The following ATP2A3 variants were observed in gnomAD, a reference collection of about 807,000 sequenced individuals.
The protein encoded by ATP2A3 is ATPase sarcoplasmic/endoplasmic reticulum Ca2+ transporting 3, also known as sarcoplasmic/endoplasmic reticulum calcium ATPase 3.
A neutral mutation model predicts 106.8 loss-of-function variants in ATP2A3; 61 were observed. The observed-to-expected ratio is 0.57, with a 90% CI of 0.46 to 0.71. The LOEUF (loss-of-function observed/expected upper bound fraction) is 0.71. ATP2A3 is among the 30% of genes least tolerant of loss of function. The pLI, the probability that ATP2A3 is intolerant of heterozygous loss-of-function variation, is 0.00. For synonymous variants in ATP2A3, 611 were observed against 609.3 expected (o/e 1.00, Z -0.04); for missense variants, 1,201 against 1,423.5 (o/e 0.84, Z 2.52).
chr17:3,942,728 T>C lies in ATP2A3; in HGVS notation c.1423A>G (p.Ile475Val), dbSNP rs753084149. 1.2e-6 allele frequency: 2 copies of C among 1,612,982 alleles called. No homozygotes were observed. Among genetic ancestry groups the C allele is most frequent in the Non-Finnish European group, 1.7e-6 (2 of 1,179,836 alleles). Residue 475 changes from isoleucine to valine, a missense_variant, in exon 12 of 21, where the codon ATC becomes GTC. By Grantham distance (29) the Ile-to-Val change is conservative (BLOSUM62 3). This residue lies in a region of ATP2A3 where 935 missense variants were observed against 1,176.7 expected (regional missense o/e 0.79). Transcript: ENST00000397041. Reference sequence around the variant, plus strand: ...AACTCCTTCCGCATCAGCTGCTTGATGACCTGCGGGGTCCAGGCAGGTCAG... The same window carrying C: ...AACTCCTTCCGCATCAGCTGCTTGACGACCTGCGGGGTCCAGGCAGGTCAG... ...VERAGACNTVIKQLMRKEFTL... is the reference protein window; with the variant it reads ...VERAGACNTVVKQLMRKEFTL...
In ATP2A3 at chr17:3,953,208, G is replaced by T; in HGVS notation, c.219+139C>A. Reference sequence around the variant, plus strand: ...CAAGGGAAGCTGAAGTCTGAGCAGGGCAGGGCCAGGGAAGGCCAGGGCGCA... The same window carrying T: ...CAAGGGAAGCTGAAGTCTGAGCAGGTCAGGGCCAGGGAAGGCCAGGGCGCA... On this transcript the variant is annotated intron_variant, in intron 3 of 20. Transcript: ENST00000397041. The surrounding 1 kb of genome is among the most constrained non-coding windows in gnomAD (Gnocchi z 5.1). 1 of 968,746 alleles carries T rather than the reference G, an allele frequency of 1.0e-6. No individual in the cohort carries two copies. The highest frequency in any genetic ancestry group is 1.7e-6 in the Non-Finnish European group (1 of 602,450). The allele number at this position is 968,746 out of a possible 1,614,324, so 60.0% of individuals were successfully genotyped here.
intron 3 of ATP2A3, among the ~76,000 whole-genome samples, 193 bp from the exon 4 acceptor site, chr17:3,951,878 C>T (rs984596716): frequency 6.6e-6 from 1 of 152,216 alleles, no homozygotes; most frequent in African/African-American, 2.4e-5. Flanking sequence ...GTGACCACCC[C>T]ACCCAGGCCA....
At chr17:3,949,680 A>G (rs377202774) in intron 7 of ATP2A3, among the ~76,000 whole-genome samples, 15 of 152,304 alleles carry the variant, frequency 9.8e-5, no homozygotes, top group African/African-American at 3.4e-4. Flanking sequence ...AATATAGATA[A>G]CAAGCATAAC....
intron 1 of ATP2A3, among the ~76,000 whole-genome samples, chr17:3,957,223 A>T (rs945631095): frequency 1.1e-4 from 17 of 152,198 alleles, no homozygotes; most frequent in African/African-American, 3.9e-4. Flanking sequence ...TGCCATTGTT[A>T]TGCCCATTTT....
rs1597549284 is a variant in ATP2A3, at chr17:3,925,104, T to G, written c.*318A>C. The stretch of plus-strand genomic sequence containing the variant: ...TTTGGGGGTGGGGGGGCCCCGGATC[T>G]CTGGGTATGCTGCCAGCTCCGGCTT... On this transcript the variant is annotated 3_prime_UTR_variant, in exon 21 of 21. Transcript: ENST00000397041. The surrounding 1 kb of genome is among the most constrained non-coding windows in gnomAD (Gnocchi z 4.2). 1 of 552,334 alleles carries G rather than the reference T, an allele frequency of 1.8e-6. No homozygotes were observed. Among genetic ancestry groups the G allele is most frequent in the East Asian group, 3.1e-5 (1 of 32,282 alleles). The allele number at this position is 552,334 out of a possible 1,614,324, so 34.2% of individuals were successfully genotyped here.
intron 14 of ATP2A3, among the ~76,000 whole-genome samples, chr17:3,939,468 T>G (rs193061705): frequency 4.6e-4 from 70 of 152,044 alleles, no homozygotes; most frequent in Non-Finnish European, 7.2e-4. Context: ...ACTGAAATAT[T>G]CACACAGTGG....
At position 3,951,628 on chromosome 17, in the gene ATP2A3, C is replaced by T. The variant is rs1567715607; in HGVS notation, c.277G>A (p.Val93Ile). The stretch of plus-strand genomic sequence containing the variant: ...TTGGCCACGAGGATCAGCATGATGA[C>T]CAGGGGCTCCACGAAGGCGGTCGTG... ...ETTTAFVEPL[V>I]IMLILVANAI... The change falls in exon 4 of 21, where the codon GTC becomes ATC. Residue 93 changes from valine (V) to isoleucine (I), a missense_variant. Val to Ile is a conservative substitution (Grantham distance 29). Coordinates refer to ENST00000397041, the MANE Select transcript of ATP2A3 (RefSeq NM_005173.4). 1 of 1,585,246 alleles carries T rather than the reference C, an allele frequency of 6.3e-7. No individual in the cohort carries two copies. The highest frequency in any genetic ancestry group is 8.6e-7 in the Non-Finnish European group (1 of 1,163,550).
chr17:3,957,579 G>C (rs1446294566), intron 1 of ATP2A3, among the ~76,000 whole-genome samples: 1 of 152,208 alleles, frequency 6.6e-6, no homozygotes, highest in Non-Finnish European at 1.5e-5. Flanking sequence ...TGCCTGCTCA[G>C]GCCTGATCTG....
rs1196279569 is a variant in ATP2A3, at chr17:3,926,125, C to T, written c.2981-684G>A. Among the ~76,000 whole-genome samples the T allele has an allele frequency of 6.6e-6, 1 of 152,202 alleles. No individual in the cohort carries two copies. Among genetic ancestry groups the T allele is most frequent in the South Asian group, 2.1e-4 (1 of 4,830 alleles). ...GGGGTGAGAGGACCGCCCCCAGCCC[C>T]CAGGGCTGACCCAGGATCCAGAATT... On this transcript the variant is annotated intron_variant, in intron 20 of 20. Transcript: ENST00000397041. This position sits in a 1 kb window ranked among gnomAD's most constrained non-coding sequence, Gnocchi z 4.6.
At chr17:3,951,512 C>T (rs2054429560) in intron 4 of ATP2A3, 69 bp downstream of exon 4, 2 of 1,564,096 alleles carry the variant, frequency 1.3e-6, no homozygotes, top group Non-Finnish European at 1.7e-6. Context: ...GACGCCAGCA[C>T]CAGGTGGAGG....
Position 3,964,276 on chromosome 17 carries a change from G to A in ATP2A3, c.16C>T (p.Leu6=), listed in dbSNP as rs1396871320. The change falls in exon 1 of 21, where the codon CTG becomes TTG. Residue 6 remains leucine, a synonymous_variant. Transcript: ENST00000397041. ...CGCAGCACGTCGGCGGCCGGGAGCA[G>A]ATGCGCCGCCTCCATGCCGCCCGCC... MEAAH[L]LPAADVLRHF... 7.8e-7 allele frequency: 1 copy of A among 1,281,606 alleles called. No individual in the cohort carries two copies. Among genetic ancestry groups the A allele is most frequent in the Admixed American group, 3.2e-5 (1 of 31,000 alleles). 79.4% of individuals were successfully genotyped at this position (1,281,606 alleles called of 1,614,324 possible).
rs1398324856 is a variant in ATP2A3, at chr17:3,936,502, G to A, written c.2322-33C>T. Reference sequence around the variant, plus strand: ...AGAGTCATGAGCTCTAGCCCCGGTAGGCCTAGCCCCCGGCAGATGCAGGCT... The same window carrying A: ...AGAGTCATGAGCTCTAGCCCCGGTAAGCCTAGCCCCCGGCAGATGCAGGCT... On this transcript the variant is annotated intron_variant, in intron 15 of 20. Transcript: ENST00000397041. This position sits in a 1 kb window ranked among gnomAD's most constrained non-coding sequence, Gnocchi z 5.4. The A allele has an allele frequency of 2.5e-6, 4 of 1,610,846 alleles. No individual in the cohort carries two copies. Among genetic ancestry groups the A allele is most frequent in the Non-Finnish European group, 3.4e-6 (4 of 1,178,170 alleles).
intron 16 of ATP2A3, among the ~76,000 whole-genome samples, chr17:3,935,714 T>G (rs2144361817): frequency 6.6e-6 from 1 of 152,142 alleles, no homozygotes; most frequent in East Asian, 1.9e-4. Flanking sequence ...ATTTTTGTAT[T>G]TTTAGTAGAG....
Position 3,930,703 on chromosome 17 carries a change from C to G in ATP2A3, c.2611-269G>C. 3.6e-6 allele frequency: 2 copies of G among 557,152 alleles called. No homozygotes were observed. The highest frequency in any genetic ancestry group is 6.5e-6 in the Non-Finnish European group (2 of 307,606). The allele number at this position is 557,152 out of a possible 1,614,324, so 34.5% of individuals were successfully genotyped here. ...GTGCAGCGGCTCAGAAGGAGAACAG[C>G]TGGCATTAGCCTGGGGAGGCTAGCG... On this transcript the variant is annotated intron_variant, in intron 17 of 20. Coordinates refer to ENST00000397041, the MANE Select transcript of ATP2A3 (RefSeq NM_005173.4). The surrounding 1 kb of genome is among the most constrained non-coding windows in gnomAD (Gnocchi z 5.4).
At chr17:3,939,035 T>G (rs2053597774) in intron 14 of ATP2A3, among the ~76,000 whole-genome samples, 1 of 151,960 alleles carries the variant, frequency 6.6e-6, no homozygotes, top group African/African-American at 2.4e-5. Context: ...GGCATGGTGG[T>G]GCATGCCTGT....
At chr17:3,933,609 G>A (rs533335066) in intron 17 of ATP2A3, among the ~76,000 whole-genome samples, 14 of 151,256 alleles carry the variant, frequency 9.3e-5, no homozygotes, top group East Asian at 4.0e-4. Context: ...GGTGGTGGGC[G>A]CCTGTAGTCC....
At position 3,926,811 on chromosome 17, in the gene ATP2A3, T is replaced by C. The variant is rs955838177; in HGVS notation, c.2981-1370A>G. The C allele has an allele frequency of 5.2e-6, 5 of 968,922 alleles. No homozygotes were observed. In the African/African-American group the frequency reaches 7.0e-5, roughly 14 times the overall value. The allele number at this position is 968,922 out of a possible 1,614,324, so 60.0% of individuals were successfully genotyped here. A position where few individuals can be genotyped will look rare whatever the true frequency, so the allele number is the denominator to read the frequency against. On this transcript the variant is annotated intron_variant, in intron 20 of 20. Coordinates refer to ENST00000397041, the MANE Select transcript of ATP2A3 (RefSeq NM_005173.4). This position sits in a 1 kb window ranked among gnomAD's most constrained non-coding sequence, Gnocchi z 4.6. ...TCTCTAACTCCTGACTCAGGTGATCTGCCCACCTCGGCCTCCCAAAGTGCT... is the reference window on the plus strand; with the variant it reads ...TCTCTAACTCCTGACTCAGGTGATCCGCCCACCTCGGCCTCCCAAAGTGCT...
In ATP2A3 at chr17:3,943,527, C is replaced by T. The variant is rs749171315; in HGVS notation, c.1288-5G>A. The T allele has an allele frequency of 1.2e-6, 2 of 1,613,914 alleles. No individual in the cohort carries two copies. The highest frequency in any genetic ancestry group is 2.7e-5 in the African/African-American group (2 of 74,930). ...CTTCTCATACACACCCTTGGCCTGGCAAGGACCCAGGGGATAGGGAGTGAG... is the reference window on the plus strand; with the variant it reads ...CTTCTCATACACACCCTTGGCCTGGTAAGGACCCAGGGGATAGGGAGTGAG... On this transcript the variant is annotated splice_polypyrimidine_tract_variant and splice_region_variant and intron_variant, in intron 10 of 20. Transcript: ENST00000397041.
At chr17:3,956,341 C>T (rs997838074) in intron 1 of ATP2A3, among the ~76,000 whole-genome samples, 7 of 152,064 alleles carry the variant, frequency 4.6e-5, no homozygotes, top group African/African-American at 1.7e-4. Flanking sequence ...CACTTCCCGG[C>T]CCCCGTGTGA....
Sources: gnomAD v4.1 joint callset for allele counts (sites outside exome capture counted in the v4.1 genomes callset) on GRCh38, gnomAD v4.1.1 for gene constraint, gnomAD v4.1.1 regional missense constraint, Gnocchi (gnomAD v3.1) non-coding constraint, MANE v1.5 for transcripts, NCBI Gene and HGNC (gene_info 2026-07-23, HGNC 2026-07-21) for gene names.